Variants in ABCA7 observed in about 807,000 individuals in gnomAD.
ABCA7 encodes the protein phospholipid-transporting ATPase ABCA7.
Under a neutral mutation model 227.6 loss-of-function variants are expected in ABCA7, and 261 were observed. The observed-to-expected ratio is 1.15, with a 90% CI of 1.04 to 1.27. ABCA7 has a LOEUF of 1.27. ABCA7 is among the 50% of genes most tolerant of loss of function. The probability of loss-of-function intolerance (pLI) is 0.00; values close to 1 mark genes in which losing one functional copy is unlikely to be tolerated. For missense variants in ABCA7, 3,331 were observed against 2,924.5 expected, an observed-to-expected ratio of 1.14 and a Z score of -3.21; for synonymous variants, 1,488 against 1,279.7, an observed-to-expected ratio of 1.16 and a Z score of -3.47.
rs987571336 is a variant in ABCA7 at position 1,043,343 on chromosome 19, G to A, written c.800G>A (p.Cys267Tyr). 6 of 1,613,016 alleles carry A rather than the reference G, an allele frequency of 3.7e-6. No individual in the cohort carries two copies. Among genetic ancestry groups the A allele is most frequent in the East Asian group, 2.2e-5 (1 of 44,882 alleles). ...GGCACCCCCATCCCAGGCCCCGCCT[G>A]CTCGGAGCTGATTGGAGCCCTGGAC... Reference protein sequence around the residue: ...ALPDSSLSPACSELIGALDSH... With the variant: ...ALPDSSLSPAYSELIGALDSH... Residue 267 changes from cysteine (C) to tyrosine (Y), a missense_variant, in exon 9 of 47, where the codon TGC becomes TAC. Cys to Tyr is a radical substitution (Grantham distance 194). Transcript: ENST00000263094.
chr19:1,042,570 A>G, intron 6 of ABCA7, 173 bp downstream of exon 6: 1 of 1,016,544 alleles, frequency 9.8e-7, no homozygotes, highest in Non-Finnish European at 1.5e-6. Flanking sequence ...TGTCTGACCC[A>G]GTGAGGAAGA....
Position 1,056,754 on chromosome 19 carries a change from A to C in ABCA7, c.4587-153A>C, listed in dbSNP as rs1362446471. On this transcript the variant is annotated intron_variant, in intron 33 of 46. Coordinates refer to ENST00000263094, the MANE Select transcript of ABCA7 (RefSeq NM_019112.4). The surrounding 1 kb of genome is among the most constrained non-coding windows in gnomAD (Gnocchi z 4.3). ...GAGACCTGTACAACCTCTGCTGCCA[A>C]ATCCCAGGCACCCTCATCCCTAAAT... Among the ~76,000 whole-genome samples, 2 of 152,012 alleles carry C rather than the reference A, an allele frequency of 1.3e-5. No homozygotes were observed. The highest frequency in any genetic ancestry group is 4.8e-5 in the African/African-American group (2 of 41,382).
In ABCA7 at chr19:1,045,000, A is replaced by C. The variant is rs1264564249; in HGVS notation, c.1216-2A>C. On this transcript the variant is annotated splice_acceptor_variant, in intron 11 of 46. Transcript: ENST00000263094. LOFTEE classifies it high-confidence loss of function. The stretch of plus-strand genomic sequence containing the variant: ...CCTAGGACTCACCCCCGCATCCCAC[A>C]GTGCCTGTCCTTGGACAAGCTGGAG... 2 of 1,612,342 alleles carry C rather than the reference A, an allele frequency of 1.2e-6. No individual in the cohort carries two copies. The highest frequency in any genetic ancestry group is 1.7e-4 in the Middle Eastern group (1 of 6,052).
chr19:1,059,421 C>T (rs535682208), intron 40 of ABCA7, among the ~76,000 whole-genome samples: 64 of 149,884 alleles, frequency 4.3e-4, no homozygotes, highest in African/African-American at 9.3e-4. Context: ...CCCACCACCA[C>T]GCCCGGCTAA....
intron 12 of ABCA7, 46 bp downstream of exon 12, chr19:1,045,277 A>G (rs1314110785): frequency 6.6e-7 from 1 of 1,524,610 alleles, no homozygotes; most frequent in Admixed American, 1.8e-5. Flanking sequence ...GGGCGGGGCC[A>G]AGAGCGTGGT....
intron 1 of ABCA7, among the ~76,000 whole-genome samples, chr19:1,040,667 C>G (rs935440790): frequency 2.0e-5 from 3 of 152,170 alleles, no homozygotes; most frequent in African/African-American, 7.2e-5. Context: ...CCAGGAGTCT[C>G]TATCCCAGCC....
chr19:1,045,095 G>A lies in ABCA7; in HGVS notation c.1309G>A (p.Gly437Ser), dbSNP rs556440064. The A allele has an allele frequency of 3.1e-6, 5 of 1,612,942 alleles. No homozygotes were observed. The highest frequency in any genetic ancestry group is 2.7e-5 in the African/African-American group (2 of 75,012). ...QLLAEHRFWAGVVFLGPEDSS... is the reference protein window; with the variant it reads ...QLLAEHRFWASVVFLGPEDSS... ...GCTCGCGGAACATCGATTCTGGGCC[G>A]GCGTCGTCTTCTTGGGACCTGAGGA... Residue 437 changes from glycine (G) to serine (S), a missense_variant, in exon 12 of 47, where the codon GGC becomes AGC. Gly to Ser is a moderately conservative substitution (Grantham distance 56, BLOSUM62 0). Coordinates refer to ENST00000263094, the MANE Select transcript of ABCA7 (RefSeq NM_019112.4).
intron 40 of ABCA7, among the ~76,000 whole-genome samples, chr19:1,061,368 G>A (rs2144947792): frequency 7.1e-6 from 1 of 140,758 alleles, no homozygotes; most frequent in East Asian, 2.0e-4. Flanking sequence ...TTGCGCCGGG[G>A]TGACACAGCA....
At chr19:1,047,901 C>T (rs1190069971) in intron 16 of ABCA7, among the ~76,000 whole-genome samples, 1 of 152,192 alleles carries the variant, frequency 6.6e-6, no homozygotes, top group Non-Finnish European at 1.5e-5. Flanking sequence ...CAGAAGCTGG[C>T]ACAGTCGCCG....
Position 1,046,388 on chromosome 19 carries a change from C to G in ABCA7, c.1604C>G (p.Pro535Arg). ...AGLYLQQMPYPCYVDDVFLRV... is the reference protein window; with the variant it reads ...AGLYLQQMPYRCYVDDVFLRV... ...CTCTACCTGCAGCAGATGCCCTATC[C>G]GTGCTATGTGGACGACGTGTGAGCT... The change falls in exon 13 of 47, where the codon CCG (proline) becomes CGG (arginine). Residue 535 changes from proline (P) to arginine (R), a missense_variant. Pro to Arg is a moderately radical substitution (Grantham distance 103). Coordinates refer to ENST00000263094, the MANE Select transcript of ABCA7 (RefSeq NM_019112.4). 1.3e-6 allele frequency: 2 copies of G among 1,568,436 alleles called. No homozygotes were observed. Among genetic ancestry groups the G allele is most frequent in the Non-Finnish European group, 1.7e-6 (2 of 1,159,454 alleles).
rs372623005 is a variant in ABCA7, at chr19:1,049,286, C to A, written c.2401C>A (p.Pro801Thr). 3.2e-5 allele frequency: 51 copies of A among 1,608,928 alleles called. No homozygotes were observed. Among genetic ancestry groups the A allele is most frequent in the Non-Finnish European group, 3.7e-5 (43 of 1,177,432 alleles). Reference protein sequence around the residue: ...DPKVLVEEAPPGLSPGVSVRS... With the variant: ...DPKVLVEEAPTGLSPGVSVRS... The stretch of plus-strand genomic sequence containing the variant: ...TGCAGTGCTGGTAGAAGAGGCACCG[C>A]CCGGCCTGAGTCCTGGCGTCTCCGT... The change falls in exon 18 of 47, where the codon CCC becomes ACC. Residue 801 changes from proline (P) to threonine (T), a missense_variant. Coordinates refer to ENST00000263094, the MANE Select transcript of ABCA7 (RefSeq NM_019112.4).
Position 1,054,380 on chromosome 19 carries a change from C to A in ABCA7, c.3726+39C>A. 6.4e-7 allele frequency: 1 copy of A among 1,568,538 alleles called. No individual in the cohort carries two copies. The highest frequency in any genetic ancestry group is 8.6e-7 in the Non-Finnish European group (1 of 1,161,126). ...GCACCAGGGAGTCGCATGGGAGTCCCTGAGTTCCCTACCCTGGCCGTCCAC... is the reference window on the plus strand; with the variant it reads ...GCACCAGGGAGTCGCATGGGAGTCCATGAGTTCCCTACCCTGGCCGTCCAC... On this transcript the variant is annotated intron_variant, in intron 27 of 46. Coordinates refer to ENST00000263094, the MANE Select transcript of ABCA7 (RefSeq NM_019112.4). The surrounding 1 kb of genome is among the most constrained non-coding windows in gnomAD (Gnocchi z 4.8).
chr19:1,045,542 C>T (rs1161634950), intron 12 of ABCA7: 17 of 373,322 alleles, frequency 4.6e-5, no homozygotes, highest in Non-Finnish European at 7.4e-5. Flanking sequence ...AAAATTGCAC[C>T]GGGTGCTGAG....
At chr19:1,058,414 G>T in intron 37 of ABCA7, 145 bp downstream of exon 37, 1 of 1,439,292 alleles carries the variant, frequency 6.9e-7, no homozygotes, top group East Asian at 2.5e-5. Context: ...GGCCAAGTTG[G>T]AGGTACAAGA....
chr19:1,053,993 G>A lies in ABCA7; in HGVS notation c.3473-13G>A. The A allele has an allele frequency of 3.1e-6, 5 of 1,613,024 alleles. No individual in the cohort carries two copies. The highest frequency in any genetic ancestry group is 4.2e-6 in the Non-Finnish European group (5 of 1,179,702). ...ACCCTCAACTTTGACCCTGACCCCTGATGGCCCTGCAGATGGCAGCTGCGG... is the reference window on the plus strand; with the variant it reads ...ACCCTCAACTTTGACCCTGACCCCTAATGGCCCTGCAGATGGCAGCTGCGG... On this transcript the variant is annotated splice_polypyrimidine_tract_variant and intron_variant, in intron 25 of 46. Coordinates refer to ENST00000263094, the MANE Select transcript of ABCA7 (RefSeq NM_019112.4).
intron 16 of ABCA7, 123 bp downstream of exon 16, chr19:1,047,777 G>T: frequency 8.7e-7 from 1 of 1,149,366 alleles, no homozygotes; most frequent in Non-Finnish European, 1.2e-6. Flanking sequence ...AGAGAAGGCG[G>T]GGCTTCTTGG....
Position 1,062,167 on chromosome 19 carries a change from C to A in ABCA7, c.5571-5C>A, listed in dbSNP as rs2042700230. 1 of 1,611,178 alleles carries A rather than the reference C, an allele frequency of 6.2e-7. No individual in the cohort carries two copies. The highest frequency in any genetic ancestry group is 8.5e-7 in the Non-Finnish European group (1 of 1,179,088). On this transcript the variant is annotated splice_region_variant and splice_polypyrimidine_tract_variant and intron_variant, in intron 41 of 46. Transcript: ENST00000263094. ...TCTCTGAGCCCCCGGCGCCCCCATC[C>A]CCAGCGTGGCCCGGGAACCCAGTGC...
chr19:1,056,531 G>T lies in ABCA7; in HGVS notation c.4586+32G>T. On this transcript the variant is annotated intron_variant, in intron 33 of 46. Coordinates refer to ENST00000263094, the MANE Select transcript of ABCA7 (RefSeq NM_019112.4). The surrounding 1 kb of genome is among the most constrained non-coding windows in gnomAD (Gnocchi z 4.3). ...CCCTCCACCCTGCATGTCCTACCCT[G>T]CACGTCCTACCCTGCCTCCATTTCT... 1 of 1,586,888 alleles carries T rather than the reference G, an allele frequency of 6.3e-7. No homozygotes were observed. The highest frequency in any genetic ancestry group is 8.6e-7 in the Non-Finnish European group (1 of 1,165,236).
At position 1,054,900 on chromosome 19, in the gene ABCA7, G is replaced by T. The variant is rs1439695887; in HGVS notation, c.3950+22G>T. 1 of 1,550,722 alleles carries T rather than the reference G, an allele frequency of 6.4e-7. No homozygotes were observed. The highest frequency in any genetic ancestry group is 2.4e-5 in the East Asian group (1 of 41,250). On this transcript the variant is annotated intron_variant, in intron 29 of 46. Transcript: ENST00000263094. This position sits in a 1 kb window ranked among gnomAD's most constrained non-coding sequence, Gnocchi z 4.8. ...ACAGGTGAGGCGTCTTGTTGGCCTGGACCTTTCCCCTCTCTGGCCTCAGTT... is the reference window on the plus strand; with the variant it reads ...ACAGGTGAGGCGTCTTGTTGGCCTGTACCTTTCCCCTCTCTGGCCTCAGTT...
Sources: gnomAD v4.1 joint callset for allele counts (sites outside exome capture counted in the v4.1 genomes callset) on GRCh38, gnomAD v4.1.1 for gene constraint, Gnocchi (gnomAD v3.1) non-coding constraint, MANE v1.5 for transcripts, NCBI Gene and HGNC (gene_info 2026-07-23, HGNC 2026-07-21) for gene names.